The following ARMC3 variants were observed in gnomAD, a reference collection of about 807,000 sequenced individuals.
ARMC3 encodes the protein armadillo repeat containing 3.
ARMC3 carries 74 observed loss-of-function variants against 90.3 expected under a neutral mutation model. That is an observed-to-expected ratio of 0.82 (90% CI 0.68 to 0.99). The LOEUF is 0.99. Ranked by LOEUF, ARMC3 falls within the 50% of genes least tolerant of loss-of-function variation. ARMC3 has a pLI of 0.00. For missense variants in ARMC3, 958 were observed against 1,042.8 expected, an observed-to-expected ratio of 0.92 and a Z score of 1.12; for synonymous variants, 334 against 361.8, an observed-to-expected ratio of 0.92 and a Z score of 0.87.
intron 11 of ARMC3, among the ~76,000 whole-genome samples, chr10:23,001,544 A>C (rs895702913): frequency 2.0e-5 from 3 of 152,148 alleles, no homozygotes; most frequent in African/African-American, 7.2e-5. Context: ...AGGGATGAGG[A>C]TATCTTTGGG....
At chr10:22,962,585 C>G (rs1392239107) in intron 7 of ARMC3, among the ~76,000 whole-genome samples, 1 of 152,194 alleles carries the variant, frequency 6.6e-6, no homozygotes, top group Non-Finnish European at 1.5e-5. Context: ...TGTCCTGTGT[C>G]TTTCGCCACT....
chr10:23,024,395 T>TAGATAGAC (rs1361451688), intron 16 of ARMC3, among the ~76,000 whole-genome samples: 5 of 118,750 alleles, frequency 4.2e-5, no homozygotes, highest in African/African-American at 1.4e-4. Flanking sequence ...GAATGCCACA[T>TAGATAGAC]AGATAGATAG....
chr10:22,994,625 G>A (rs74454521), intron 10 of ARMC3, among the ~76,000 whole-genome samples: 4,168 of 152,272 alleles, frequency 0.027, 186 homozygotes, highest in African/African-American at 0.096. Flanking sequence ...TTTAAGTAGG[G>A]GAGCAATATG....
intron 8 of ARMC3, 53 bp from the exon 9 acceptor site, chr10:22,981,287 T>G: frequency 6.7e-7 from 1 of 1,483,072 alleles, no homozygotes. Flanking sequence ...GTAGTAATAC[T>G]TCGCAGTTTT....
intron 10 of ARMC3, among the ~76,000 whole-genome samples, chr10:22,989,566 C>T (rs1649319616): frequency 6.6e-6 from 1 of 151,720 alleles, no homozygotes; most frequent in African/African-American, 2.4e-5. Flanking sequence ...AGATGAGTAT[C>T]TTGCAAGATA....
At chr10:22,935,228 C>G (rs756881071) in intron 2 of ARMC3, among the ~76,000 whole-genome samples, 14 of 152,082 alleles carry the variant, frequency 9.2e-5, no homozygotes, top group Non-Finnish European at 1.5e-4. Flanking sequence ...TGCAACATGC[C>G]CCCTCAGCTG....
intron 10 of ARMC3, among the ~76,000 whole-genome samples, chr10:22,989,166 C>CT (rs1375463108): frequency 6.6e-6 from 1 of 152,136 alleles, no homozygotes; most frequent in African/African-American, 2.4e-5. Context: ...GGAACACTCT[C>CT]CAGTGTATCT....
At chr10:22,963,887 TCA>T (rs1218675914) in intron 7 of ARMC3, among the ~76,000 whole-genome samples, 1,510 of 33,780 alleles carry the variant, frequency 0.045, 60 homozygotes, top group East Asian at 0.059. Context: ...AGACTCTGTC[TCA>T]CACACACACA....
intron 10 of ARMC3, among the ~76,000 whole-genome samples, chr10:22,987,403 T>C (rs528192820): frequency 6.6e-6 from 1 of 152,334 alleles, no homozygotes; most frequent in South Asian, 2.1e-4. Flanking sequence ...GAAAAAGGGT[T>C]CAGTGTTTTT....
At chr10:22,973,761 T>TTTTTTTTTTTTTTTTTTTTTTA in intron 8 of ARMC3, among the ~76,000 whole-genome samples, 1 of 136,176 alleles carries the variant, frequency 7.3e-6, no homozygotes. Context: ...TTCTTTTTTT[T>TTTTTTTTTTTTTTTTTTTTTTA]TTTTTTTTTT....
At position 23,037,546 on chromosome 10, in the gene ARMC3, C is replaced by A; in HGVS notation, c.*67C>A. 2 of 1,272,226 alleles carry A rather than the reference C, an allele frequency of 1.6e-6. No individual in the cohort carries two copies. Among genetic ancestry groups the A allele is most frequent in the South Asian group, 2.0e-5 (1 of 48,852 alleles). 78.8% of individuals were successfully genotyped at this position (1,272,226 alleles called of 1,614,324 possible). On this transcript the variant is annotated 3_prime_UTR_variant, in exon 19 of 19. Coordinates refer to ENST00000298032, the MANE Select transcript of ARMC3 (RefSeq NM_173081.5). ...CTGTGTACACTCTCTAAGACATTCTCCAAATTGATTTTATCTCTTTAAATA... is the reference window on the plus strand; with the variant it reads ...CTGTGTACACTCTCTAAGACATTCTACAAATTGATTTTATCTCTTTAAATA...
chr10:22,949,725 T>A (rs756923678), intron 3 of ARMC3, among the ~76,000 whole-genome samples: 49 of 152,136 alleles, frequency 3.2e-4, no homozygotes, highest in Admixed American at 1.6e-3. Context: ...CTAAATCTGA[T>A]GAAAACTCTA....
chr10:22,971,620 T>C (rs1334720404), intron 8 of ARMC3, among the ~76,000 whole-genome samples: 4 of 151,980 alleles, frequency 2.6e-5, no homozygotes, highest in African/African-American at 9.7e-5. Context: ...TTTGTATTTG[T>C]AGTAGAGACA....
Position 23,030,681 on chromosome 10 carries a change from T to C in ARMC3, c.2131T>C (p.Ser711Pro). ...VVPKFVGEGS[S>P]DKEWCPPSDP... is the part of the protein sequence containing the mutation. ...ACCAAAATTTGTTGGTGAAGGAAGCTCTGACAAAGAATGGTGTCCTCCCTC... is the reference window on the plus strand; with the variant it reads ...ACCAAAATTTGTTGGTGAAGGAAGCCCTGACAAAGAATGGTGTCCTCCCTC... The change falls in exon 17 of 19, where the codon TCT becomes CCT. Residue 711 changes from serine to proline, a missense_variant. Transcript: ENST00000298032. The C allele has an allele frequency of 6.2e-7, 1 of 1,613,880 alleles. No individual in the cohort carries two copies. Among genetic ancestry groups the C allele is most frequent in the African/African-American group, 1.3e-5 (1 of 75,026 alleles).
intron 8 of ARMC3, among the ~76,000 whole-genome samples, chr10:22,975,373 G>A (rs1171552560): frequency 2.6e-5 from 4 of 152,060 alleles, no homozygotes; most frequent in African/African-American, 9.7e-5. Flanking sequence ...TGGCCAACAT[G>A]GTGAAACCGT....
At chr10:22,993,624 T>C (rs750530471) in intron 10 of ARMC3, among the ~76,000 whole-genome samples, 1 of 152,162 alleles carries the variant, frequency 6.6e-6, no homozygotes, top group African/African-American at 2.4e-5. Flanking sequence ...ACCGGAAATA[T>C]AAATAAGACT....
intron 10 of ARMC3, among the ~76,000 whole-genome samples, chr10:22,989,429 C>G (rs1490045998): frequency 6.6e-6 from 1 of 152,156 alleles, no homozygotes; most frequent in East Asian, 1.9e-4. Flanking sequence ...TAAGAAATCT[C>G]ATTGCTATTA....
At chr10:22,965,763 A>G (rs984205762) in intron 7 of ARMC3, among the ~76,000 whole-genome samples, 4 of 152,026 alleles carry the variant, frequency 2.6e-5, no homozygotes, top group African/African-American at 9.7e-5. Flanking sequence ...AATTTATGCA[A>G]TTTTGGCATC....
Position 22,959,526 on chromosome 10 carries a change from C to T in ARMC3, c.489C>T (p.Asp163=), listed in dbSNP as rs1835102320. 6.2e-7 allele frequency: 1 copy of T among 1,611,382 alleles called. No homozygotes were observed. The highest frequency in any genetic ancestry group is 8.5e-7 in the Non-Finnish European group (1 of 1,179,514). Residue 163 remains aspartate (D), a synonymous_variant, in exon 6 of 19, where the codon GAC becomes GAT. Coordinates refer to ENST00000298032, the MANE Select transcript of ARMC3 (RefSeq NM_173081.5). ...TCATCAGACTACTGAGTAGCCCTGA[C>T]CCGGATGTAAAGAAGAACTCTATGG... The part of the protein sequence containing the change: ...EPLIRLLSSP[D]PDVKKNSMEC...
Sources: allele counts gnomAD v4.1 joint callset (sites outside exome capture counted in the v4.1 genomes callset), GRCh38; gene constraint gnomAD v4.1.1; transcripts MANE v1.5; gene names NCBI Gene and HGNC (gene_info 2026-07-23, HGNC 2026-07-21).